The following TFAP2E variants were observed in gnomAD, a reference collection of about 807,000 sequenced individuals.
TFAP2E encodes the protein transcription factor AP-2-epsilon.
A neutral mutation model predicts 37.9 loss-of-function variants in TFAP2E; 30 were observed. The observed-to-expected ratio is 0.79, with a 90% CI of 0.59 to 1.07. TFAP2E has a LOEUF of 1.07. TFAP2E is among the 50% of genes least tolerant of loss of function. The pLI is 0.00. For synonymous variants in TFAP2E, 318 were observed against 295.8 expected (o/e 1.08, Z -0.77); for missense variants, 567 against 637.9 (o/e 0.89, Z 1.20).
rs113333244 is a variant in TFAP2E at position 35,590,815 on chromosome 1, T to G, written c.1046+40T>G. 9,466 of 1,362,418 alleles carry G rather than the reference T, an allele frequency of 6.9e-3. 261 individuals are homozygous for G. Among genetic ancestry groups the G allele is most frequent in the African/African-American group, 0.056 (3,808 of 68,504 alleles). 84.4% of individuals were successfully genotyped at this position (1,362,418 alleles called of 1,614,324 possible). A position where few individuals can be genotyped will look rare whatever the true frequency, so the allele number is the denominator to read the frequency against. On this transcript the variant is annotated intron_variant, in intron 6 of 6. Transcript: ENST00000373235. The surrounding 1 kb of genome is among the most constrained non-coding windows in gnomAD (Gnocchi z 6.2). ...CCTGCACAGGCACACGTGGGTGCCA[T>G]GCACAGACAGACATCATGTATGGGC...
rs568513590 is a variant in TFAP2E at position 35,590,890 on chromosome 1, C to T, written c.1046+115C>T. The T allele has an allele frequency of 8.6e-5, 104 of 1,204,458 alleles. No homozygotes were observed. The highest frequency in any genetic ancestry group is 4.2e-4 in the African/African-American group (27 of 64,650). 74.6% of individuals were successfully genotyped at this position (1,204,458 alleles called of 1,614,324 possible). On this transcript the variant is annotated intron_variant, in intron 6 of 6. Coordinates refer to ENST00000373235, the MANE Select transcript of TFAP2E (RefSeq NM_178548.4). This position sits in a 1 kb window ranked among gnomAD's most constrained non-coding sequence, Gnocchi z 6.2. ...AGCAGTGGGCACACATGCGTATTTG[C>T]GCACCACTGTGTACACGAGCAGTGG...
In TFAP2E at chr1:35,577,471, T is replaced by G. The variant is rs1388980916; in HGVS notation, c.562+2471T>G. On this transcript the variant is annotated intron_variant, in intron 3 of 6. Coordinates refer to ENST00000373235, the MANE Select transcript of TFAP2E (RefSeq NM_178548.4). This position sits in a 1 kb window ranked among gnomAD's most constrained non-coding sequence, Gnocchi z 6.3. The stretch of plus-strand genomic sequence containing the variant: ...CTTCGGCCTCCGCCGAGTGCGGTAC[T>G]GGAGCCTGCCCCGCCAGGGCCCTGG... 2.2e-6 allele frequency: 1 copy of G among 456,544 alleles called. No individual in the cohort carries two copies. Among genetic ancestry groups the G allele is most frequent in the Non-Finnish European group, 4.4e-6 (1 of 226,920 alleles). The allele number at this position is 456,544 out of a possible 1,614,324, so 28.3% of individuals were successfully genotyped here.
intron 3 of TFAP2E, among the ~76,000 whole-genome samples, chr1:35,579,079 CAAAAAAAAAAAAAAAA>C (rs578084271): frequency 1.8e-4 from 3 of 16,848 alleles, no homozygotes; most frequent in Non-Finnish European, 4.6e-4. Context: ...GAGACTATCT[CAAAAAAAAAAAAAAAA>C]AAAAAAAAAA....
chr1:35,577,721 G>T lies in TFAP2E; in HGVS notation c.562+2721G>T, dbSNP rs747812791. 1 of 295,042 alleles carries T rather than the reference G, an allele frequency of 3.4e-6. No individual in the cohort carries two copies. Among genetic ancestry groups the T allele is most frequent in the East Asian group, 9.4e-5 (1 of 10,658 alleles). The allele number at this position is 295,042 out of a possible 1,614,324, so 18.3% of individuals were successfully genotyped here. On this transcript the variant is annotated intron_variant, in intron 3 of 6. Transcript: ENST00000373235. This position sits in a 1 kb window ranked among gnomAD's most constrained non-coding sequence, Gnocchi z 6.3. ...CGCGGGGCAGAGGCACCTGGAGCTCGCAGGGCCCAGACCTGGGTTGGAAAA... is the reference window on the plus strand; with the variant it reads ...CGCGGGGCAGAGGCACCTGGAGCTCTCAGGGCCCAGACCTGGGTTGGAAAA...
chr1:35,575,876 C>T (rs753375845), intron 3 of TFAP2E, among the ~76,000 whole-genome samples: 11 of 152,268 alleles, frequency 7.2e-5, no homozygotes, highest in Admixed American at 2.6e-4. Flanking sequence ...TCCAGGGACA[C>T]GGGATCCACC....
At chr1:35,587,835 C>T (rs759025433) in intron 3 of TFAP2E, among the ~76,000 whole-genome samples, 2 of 151,982 alleles carry the variant, frequency 1.3e-5, no homozygotes, top group Non-Finnish European at 2.9e-5. Flanking sequence ...AGGGCAATAA[C>T]CTCCCTGTCT....
chr1:35,594,492 GCTTGACACA>G lies in TFAP2E; in HGVS notation c.1149_1157del (p.Leu383_His385del). On this transcript the variant is annotated inframe_deletion, in exon 7 of 7. Coordinates refer to ENST00000373235, the MANE Select transcript of TFAP2E (RefSeq NM_178548.4). ...ATCCTGGAGCCCGGAGTACAGAGCTGCTTGACACACTTTAGCCTCATCACCCATGGCTTC... is the reference window on the plus strand; with the variant it reads ...ATCCTGGAGCCCGGAGTACAGAGCTGCTTTAGCCTCATCACCCATGGCTTC... 1 of 1,614,210 alleles carries G rather than the reference GCTTGACACA, an allele frequency of 6.2e-7. No homozygotes were observed. Among genetic ancestry groups the G allele is most frequent in the Non-Finnish European group, 8.5e-7 (1 of 1,180,048 alleles).
At position 35,589,938 on chromosome 1, in the gene TFAP2E, CCA is replaced by C; in HGVS notation, c.795_796del (p.Asn267TrpfsTer49). ...TCTCTGTGCATGTCAAGGGCCAAGT[CCA>C]AAAATGGGGGCCGGTGTTTGCGGGA... On this transcript the variant is annotated frameshift_variant, in exon 5 of 7. Coordinates refer to ENST00000373235, the MANE Select transcript of TFAP2E (RefSeq NM_178548.4). LOFTEE classifies it high-confidence loss of function. The C allele has an allele frequency of 6.2e-7, 1 of 1,613,964 alleles. No homozygotes were observed. Among genetic ancestry groups the C allele is most frequent in the African/African-American group, 1.3e-5 (1 of 75,006 alleles).
chr1:35,594,936 G>T lies in TFAP2E; in HGVS notation c.*260G>T. 1 of 536,574 alleles carries T rather than the reference G, an allele frequency of 1.9e-6. No individual in the cohort carries two copies. Among genetic ancestry groups the T allele is most frequent in the East Asian group, 3.3e-5 (1 of 30,270 alleles). 33.2% of individuals were successfully genotyped at this position (536,574 alleles called of 1,614,324 possible). On this transcript the variant is annotated 3_prime_UTR_variant, in exon 7 of 7. Transcript: ENST00000373235. ...GACCTTTGATGGTTGAGAAGGGTTTGGACAGAAAATTGACATGAAAAGATC... is the reference window on the plus strand; with the variant it reads ...GACCTTTGATGGTTGAGAAGGGTTTTGACAGAAAATTGACATGAAAAGATC...
intron 3 of TFAP2E, among the ~76,000 whole-genome samples, chr1:35,580,210 T>TA (rs879468414): frequency 2.0e-5 from 3 of 149,986 alleles, no homozygotes; most frequent in Non-Finnish European, 4.5e-5. Context: ...AACTCCATCT[T>TA]AAAAAAAAAG....
intron 3 of TFAP2E, among the ~76,000 whole-genome samples, chr1:35,583,707 A>G (rs891270526): frequency 2.0e-5 from 3 of 151,990 alleles, no homozygotes; most frequent in African/African-American, 7.3e-5. Flanking sequence ...GAGTCACCAC[A>G]GGGAATCCTG....
intron 4 of TFAP2E, among the ~76,000 whole-genome samples, chr1:35,589,425 C>T (rs1571107907): frequency 6.8e-6 from 1 of 146,426 alleles, no homozygotes; most frequent in Non-Finnish European, 1.5e-5. Flanking sequence ...GTCTCTGTGT[C>T]CCTGGGTGTC....
At chr1:35,584,140 C>T (rs906470085) in intron 3 of TFAP2E, among the ~76,000 whole-genome samples, 4 of 152,174 alleles carry the variant, frequency 2.6e-5, no homozygotes, top group Non-Finnish European at 5.9e-5. Flanking sequence ...TTCGCTCTGT[C>T]GTCCAGGCTG....
chr1:35,589,968 G>A lies in TFAP2E; in HGVS notation c.824G>A (p.Arg275Gln), dbSNP rs140550425. ...SKNGGRCLRE[R>Q]LEKIGLNLPA... ...AATGGGGGCCGGTGTTTGCGGGAACGGTTAGAGAAGATTGGGCTCAACCTG... is the reference window on the plus strand; with the variant it reads ...AATGGGGGCCGGTGTTTGCGGGAACAGTTAGAGAAGATTGGGCTCAACCTG... Residue 275 changes from arginine (R) to glutamine (Q), a missense_variant, in exon 5 of 7, where the codon CGG becomes CAG. Arg to Gln is a conservative substitution (Grantham distance 43). Coordinates refer to ENST00000373235, the MANE Select transcript of TFAP2E (RefSeq NM_178548.4). The A allele has an allele frequency of 1.9e-5, 30 of 1,613,968 alleles. No individual in the cohort carries two copies. The highest frequency in any genetic ancestry group is 4.0e-5 in the African/African-American group (3 of 74,920).
intron 3 of TFAP2E, among the ~76,000 whole-genome samples, chr1:35,584,827 C>T (rs1649441051): frequency 6.6e-6 from 1 of 152,202 alleles, no homozygotes; most frequent in Non-Finnish European, 1.5e-5. Flanking sequence ...AGCCACCGTG[C>T]CTGGCCTCAT....
intron 2 of TFAP2E, chr1:35,574,736 A>G (rs1292725664): frequency 1.5e-6 from 1 of 673,558 alleles, no homozygotes; most frequent in Non-Finnish European, 2.6e-6. Context: ...CCAGTGTAAG[A>G]TTCAAAATTC....
intron 6 of TFAP2E, among the ~76,000 whole-genome samples, chr1:35,591,562 C>G (rs1039269184): frequency 6.6e-5 from 10 of 152,348 alleles, no homozygotes; most frequent in Middle Eastern, 6.8e-3. Flanking sequence ...TTCCAACCTC[C>G]CTGCACGTGC....
chr1:35,579,327 C>T (rs888292982), intron 3 of TFAP2E, among the ~76,000 whole-genome samples: 2 of 150,928 alleles, frequency 1.3e-5, no homozygotes, highest in East Asian at 3.9e-4. Flanking sequence ...ACCTGCGGGG[C>T]GGAGGTTGCA....
chr1:35,578,707 A>C (rs1649255560), intron 3 of TFAP2E, among the ~76,000 whole-genome samples: 1 of 152,154 alleles, frequency 6.6e-6, no homozygotes, highest in African/African-American at 2.4e-5. Flanking sequence ...TCCACTTCCC[A>C]GACAATCTCT....
Sources: gnomAD v4.1 joint callset for allele counts (sites outside exome capture counted in the v4.1 genomes callset) on GRCh38, gnomAD v4.1.1 for gene constraint, Gnocchi (gnomAD v3.1) non-coding constraint, MANE v1.5 for transcripts, NCBI Gene and HGNC (gene_info 2026-07-23, HGNC 2026-07-21) for gene names.